Variants in RPS6KC1 observed in about 807,000 individuals in gnomAD.
RPS6KC1 encodes inactive ribosomal protein S6 kinase delta-1.
A neutral mutation model predicts 103.8 loss-of-function variants in RPS6KC1; 54 were observed. The ratio of observed to expected loss-of-function variants is 0.52; its 90% CI spans 0.42 to 0.65. The LOEUF (loss-of-function observed/expected upper bound fraction) is 0.65. Among genes scored for constraint, RPS6KC1 ranks in the 30% least tolerant of loss-of-function variants. The pLI is 0.00. For missense variants in RPS6KC1, 1,151 were observed against 1,253.8 expected, an observed-to-expected ratio of 0.92 and a Z score of 1.24; for synonymous variants, 439 against 438.7, an observed-to-expected ratio of 1.00 and a Z score of -0.01.
At chr1:213,060,483 TAG>T (rs1202441542) in intron 1 of RPS6KC1, among the ~76,000 whole-genome samples, 1 of 152,246 alleles carries the variant, frequency 6.6e-6, no homozygotes, top group African/African-American at 2.4e-5. Context: ...TTGTGTTTTC[TAG>T]AGTCTAGTTT....
the RPS6KC1 span, among the ~76,000 whole-genome samples, chr1:213,313,682 T>G: frequency 6.6e-6 from 1 of 151,816 alleles, no homozygotes; most frequent in Admixed American, 6.6e-5. Context: ...AACAGAAACT[T>G]GGCCAGTTGC....
chr1:213,419,852 G>A, the RPS6KC1 span, among the ~76,000 whole-genome samples: 1 of 152,224 alleles, frequency 6.6e-6, no homozygotes, highest in Non-Finnish European at 1.5e-5. Flanking sequence ...GGGTTTGGCT[G>A]TCCTTGGCAC....
At chr1:213,384,755 C>T in the RPS6KC1 span, among the ~76,000 whole-genome samples, 15 of 152,310 alleles carry the variant, frequency 9.8e-5, no homozygotes, top group Non-Finnish European at 1.9e-4. Flanking sequence ...ATTCACTTCT[C>T]ACTTGCAGGT....
chr1:213,832,736 A>G, the RPS6KC1 span: 2 of 152,228 alleles, frequency 1.3e-5, no homozygotes, highest in Admixed American at 6.5e-5. Flanking sequence ...TAGAAAAAGC[A>G]TATTATTCAT....
chr1:213,071,691 G>A (rs2078898684), intron 2 of RPS6KC1, among the ~76,000 whole-genome samples: 1 of 152,096 alleles, frequency 6.6e-6, no homozygotes, highest in Non-Finnish European at 1.5e-5. Flanking sequence ...AAAGTATTTG[G>A]TAACTAATAT....
intron 7 of RPS6KC1, among the ~76,000 whole-genome samples, chr1:213,168,769 C>T (rs1257539412): frequency 2.6e-5 from 4 of 152,000 alleles, no homozygotes; most frequent in Admixed American, 1.3e-4. Context: ...ACTACAGGCA[C>T]CCACCACATG....
chr1:213,335,232 A>G, the RPS6KC1 span, among the ~76,000 whole-genome samples: 2 of 152,248 alleles, frequency 1.3e-5, no homozygotes, highest in African/African-American at 4.8e-5. Context: ...AGAGGATAGG[A>G]TGGCAGAAAG....
chr1:213,510,461 CT>C, the RPS6KC1 span, among the ~76,000 whole-genome samples: 52 of 152,118 alleles, frequency 3.4e-4, 1 homozygote, highest in Non-Finnish European at 8.8e-5. Context: ...TCTATACCCC[CT>C]AACTTCATAT....
chr1:213,638,167 A>G, the RPS6KC1 span, among the ~76,000 whole-genome samples: 1 of 152,076 alleles, frequency 6.6e-6, no homozygotes, highest in Non-Finnish European at 1.5e-5. Flanking sequence ...GATGTTAAGC[A>G]TCTTTTATTT....
the RPS6KC1 span, among the ~76,000 whole-genome samples, chr1:213,653,968 C>A: frequency 3.3e-5 from 5 of 152,316 alleles, no homozygotes; most frequent in African/African-American, 1.2e-4. Context: ...AGGGTCAGGA[C>A]TTGAGGTCAT....
the RPS6KC1 span, among the ~76,000 whole-genome samples, chr1:213,783,914 A>G: frequency 1.3e-5 from 2 of 152,004 alleles, no homozygotes; most frequent in Admixed American, 6.6e-5. Context: ...AATCAAATCC[A>G]ATTCTATTGT....
chr1:213,150,854 C>G (rs1030023237), intron 6 of RPS6KC1, among the ~76,000 whole-genome samples: 1 of 152,142 alleles, frequency 6.6e-6, no homozygotes, highest in African/African-American at 2.4e-5. Context: ...GGGTGGTGGC[C>G]GGGCAGAGGG....
At chr1:213,327,236 A>AAAAGAAAAGAAAGAAAGAAAGAAAG in the RPS6KC1 span, among the ~76,000 whole-genome samples, 114 of 144,688 alleles carry the variant, frequency 7.9e-4, no homozygotes, top group African/African-American at 2.3e-3. Flanking sequence ...GAAAGAAAAG[A>AAAAGAAAAGAAAGAAAGAAAGAAAG]AAAGAAAGAA....
the RPS6KC1 span, chr1:213,817,892 T>C: frequency 2.0e-5 from 3 of 152,202 alleles, no homozygotes; most frequent in Admixed American, 6.5e-5. Context: ...TTCTTGTCTC[T>C]GGGTCATATT....
chr1:213,529,024 G>T, the RPS6KC1 span, among the ~76,000 whole-genome samples: 2 of 152,106 alleles, frequency 1.3e-5, no homozygotes, highest in Non-Finnish European at 2.9e-5. Flanking sequence ...CTAGACATTA[G>T]GAACGAAACA....
chr1:213,432,431 C>A, the RPS6KC1 span, among the ~76,000 whole-genome samples: 1 of 152,146 alleles, frequency 6.6e-6, no homozygotes, highest in East Asian at 1.9e-4. Context: ...TAACCACTAG[C>A]CTTGTGCAGT....
chr1:213,568,944 T>C, the RPS6KC1 span, among the ~76,000 whole-genome samples: 1 of 152,200 alleles, frequency 6.6e-6, no homozygotes, highest in Non-Finnish European at 1.5e-5. Flanking sequence ...GTAGCAGCCA[T>C]GGCCACTGTT....
chr1:213,586,036 A>G, the RPS6KC1 span, among the ~76,000 whole-genome samples: 1 of 152,146 alleles, frequency 6.6e-6, no homozygotes, highest in Non-Finnish European at 1.5e-5. Context: ...TGACAGTCAC[A>G]TCTGGCCTCT....
chr1:213,079,235 A>G (rs193146584), intron 3 of RPS6KC1, among the ~76,000 whole-genome samples: 2 of 152,250 alleles, frequency 1.3e-5, no homozygotes, highest in East Asian at 1.9e-4. Context: ...GCTGTTACAA[A>G]TAACACTGCA....
Sources: allele counts gnomAD v4.1 joint callset (sites outside exome capture counted in the v4.1 genomes callset), GRCh38; gene constraint gnomAD v4.1.1; transcripts MANE v1.5; gene names NCBI Gene and HGNC (gene_info 2026-07-23, HGNC 2026-07-21).